The following ZNF676 variants were observed in gnomAD, a reference collection of about 807,000 sequenced individuals.
The protein encoded by ZNF676 is zinc finger protein 676.
In ZNF676, 4 loss-of-function variants were observed where a neutral mutation model predicts 6.0. That is an observed-to-expected ratio of 0.67 (90% CI 0.33 to 1.53). ZNF676 has a LOEUF of 1.53. ZNF676 is among the 40% of genes most tolerant of loss of function. The pLI is 0.06. For synonymous variants in ZNF676, 198 were observed against 223.1 expected (o/e 0.89, Z 1.00); for missense variants, 644 against 679.7 (o/e 0.95, Z 0.58).
upstream of ZNF676, among the ~76,000 whole-genome samples, chr19:22,201,634 T>C (rs778326709): frequency 3.3e-5 from 5 of 151,652 alleles, no homozygotes; most frequent in Non-Finnish European, 7.4e-5. Context: ...GACAGTTTAT[T>C]TGGGTCAAGC....
intron 2 of ZNF676, among the ~76,000 whole-genome samples, chr19:22,182,585 T>TTA (rs376894161): frequency 1.1e-4 from 5 of 45,046 alleles, no homozygotes; most frequent in African/African-American, 5.3e-4. Context: ...GTCAAAGTTC[T>TTA]AAAAAAAAAA....
At chr19:22,211,217 G>A (rs2024126762) in intron 1 of ZNF676, among the ~76,000 whole-genome samples, 1 of 151,570 alleles carries the variant, frequency 6.6e-6, no homozygotes, top group Non-Finnish European at 1.5e-5. Flanking sequence ...AACCTTAACT[G>A]CATCTGCCTG....
chr19:22,251,658 C>T, the ZNF676 span, among the ~76,000 whole-genome samples: 9 of 151,976 alleles, frequency 5.9e-5, no homozygotes, highest in Middle Eastern at 3.4e-3. Context: ...CGTGGTGGCA[C>T]GTGCCTGTAA....
chr19:22,214,646 T>C (rs1360836856), intron 1 of ZNF676, among the ~76,000 whole-genome samples: 1 of 150,426 alleles, frequency 6.6e-6, no homozygotes, highest in Non-Finnish European at 1.5e-5. Context: ...TTTTTTAAAT[T>C]ACTACATTGG....
chr19:22,194,867 T>C (rs1389179698), intron 1 of ZNF676, among the ~76,000 whole-genome samples: 1 of 152,082 alleles, frequency 6.6e-6, no homozygotes, highest in African/African-American at 2.4e-5. Flanking sequence ...AAGTGCACGA[T>C]TAGATCTCCC....
At chr19:22,240,893 A>C in the ZNF676 span, among the ~76,000 whole-genome samples, 2 of 151,986 alleles carry the variant, frequency 1.3e-5, no homozygotes, top group African/African-American at 4.8e-5. Context: ...GTCAACATAC[A>C]TGGATGATGG....
chr19:22,208,946 A>G (rs924345048), intron 1 of ZNF676, among the ~76,000 whole-genome samples: 1 of 152,058 alleles, frequency 6.6e-6, no homozygotes, highest in Non-Finnish European at 1.5e-5. Flanking sequence ...GTCTCCAAAA[A>G]TAACAAAAAA....
chr19:22,251,838 G>A, the ZNF676 span, among the ~76,000 whole-genome samples: 2 of 150,594 alleles, frequency 1.3e-5, no homozygotes, highest in African/African-American at 4.9e-5. Flanking sequence ...AACACATATT[G>A]GAATCAGGTA....
chr19:22,189,898 T>C (rs565378670), intron 2 of ZNF676, among the ~76,000 whole-genome samples: 5 of 152,050 alleles, frequency 3.3e-5, no homozygotes, highest in Non-Finnish European at 5.9e-5. Flanking sequence ...TGTGGAGAAG[T>C]AGAAAAGCTT....
chr19:22,234,889 T>G, the ZNF676 span, among the ~76,000 whole-genome samples: 3 of 150,470 alleles, frequency 2.0e-5, no homozygotes, highest in African/African-American at 7.4e-5. Context: ...GGCAAGTTAA[T>G]GCCATTGCAC....
At chr19:22,223,084 A>G in the ZNF676 span, among the ~76,000 whole-genome samples, 2 of 152,172 alleles carry the variant, frequency 1.3e-5, no homozygotes, top group Admixed American at 6.5e-5. Context: ...CTGGAAGGGC[A>G]GAAGCTCTCC....
chr19:22,236,576 T>A, the ZNF676 span, among the ~76,000 whole-genome samples: 8,716 of 152,176 alleles, frequency 0.057, 821 homozygotes, highest in African/African-American at 0.2. Context: ...TAAATTGTCA[T>A]TAGTGTAGTG....
At chr19:22,235,066 AAGGAAGTC>A in the ZNF676 span, among the ~76,000 whole-genome samples, 841 of 148,564 alleles carry the variant, frequency 5.7e-3, 24 homozygotes, top group African/African-American at 0.018. Flanking sequence ...AGGCAGGAAG[AAGGAAGTC>A]AGGAAGGCAG....
the ZNF676 span, among the ~76,000 whole-genome samples, chr19:22,249,014 G>A: frequency 6.6e-5 from 10 of 152,292 alleles, no homozygotes; most frequent in East Asian, 3.9e-4. Context: ...ACAGGCGTGA[G>A]CCACCACACC....
In ZNF676 at chr19:22,181,079, G is replaced by A; in HGVS notation, c.638C>T (p.Thr213Ile). The change falls in exon 3 of 3, where the codon ACT becomes ATT. Residue 213 changes from threonine (T) to isoleucine (I), a missense_variant. Physicochemically the swap from Thr to Ile is moderately conservative, Grantham distance 89. This residue lies in a region of ZNF676 where 280 missense variants were observed against 269.3 expected (regional missense o/e 1.04). Coordinates refer to ENST00000397121, the MANE Select transcript of ZNF676 (RefSeq NM_001001411.3). ...GKAFSKFSIL[T>I]KHKVIHTGEK... The stretch of plus-strand genomic sequence containing the variant: ...TCCAGTATGAATTACCTTATGTTTA[G>A]TAAGGATTGAGAACTTACTAAAGGC... 6.3e-7 allele frequency: 1 copy of A among 1,578,286 alleles called. No homozygotes were observed. The highest frequency in any genetic ancestry group is 8.6e-7 in the Non-Finnish European group (1 of 1,158,204).
the ZNF676 span, among the ~76,000 whole-genome samples, chr19:22,233,293 G>A: frequency 1.9e-4 from 29 of 151,932 alleles, no homozygotes; most frequent in Middle Eastern, 6.8e-3. Flanking sequence ...ACAGGTGTGA[G>A]CCATCTCACC....
the ZNF676 span, among the ~76,000 whole-genome samples, chr19:22,255,593 G>C: frequency 5.8e-3 from 878 of 152,154 alleles, 2 homozygotes; most frequent in Non-Finnish European, 8.4e-3. Flanking sequence ...CACTTGTAAT[G>C]CCAGCACTTT....
chr19:22,247,632 G>A, the ZNF676 span, among the ~76,000 whole-genome samples: 1 of 151,114 alleles, frequency 6.6e-6, no homozygotes, highest in Non-Finnish European at 1.5e-5. Context: ...AAAAATCGAC[G>A]AGGCAGGCCA....
the ZNF676 span, among the ~76,000 whole-genome samples, chr19:22,229,978 C>A: frequency 5.3e-3 from 808 of 152,208 alleles, 6 homozygotes; most frequent in African/African-American, 0.018. Flanking sequence ...TACCATTTGA[C>A]CCAGCAATCC....
Sources: allele counts gnomAD v4.1 joint callset (sites outside exome capture counted in the v4.1 genomes callset), GRCh38; gene constraint gnomAD v4.1.1; regional missense constraint gnomAD v4.1.1; transcripts MANE v1.5; gene names NCBI Gene and HGNC (gene_info 2026-07-23, HGNC 2026-07-21).